Variants in KCNU1 observed in about 807,000 individuals in gnomAD.
KCNU1 encodes potassium calcium-activated channel subfamily U member 1.
In KCNU1, 93 loss-of-function variants were observed where a neutral mutation model predicts 126.8. That is an observed-to-expected ratio of 0.73 (90% CI 0.62 to 0.87). The LOEUF (loss-of-function observed/expected upper bound fraction) is 0.87. Ranked by LOEUF, KCNU1 falls within the 40% of genes least tolerant of loss-of-function variation. The pLI, the probability that KCNU1 is intolerant of heterozygous loss-of-function variation, is 0.00. For missense variants in KCNU1, 1,330 were observed against 1,367.1 expected (o/e 0.97, Z 0.43); for synonymous variants, 523 against 494.2 (o/e 1.06, Z -0.77).
chr8:36,818,047 CA>C, intron 10 of KCNU1, among the ~76,000 whole-genome samples: 1 of 152,232 alleles, frequency 6.6e-6, no homozygotes, highest in East Asian at 1.9e-4. Context: ...TAATCTTATG[CA>C]AAAGCCTGGT....
chr8:36,845,720 TG>T, intron 17 of KCNU1, 51 bp downstream of exon 17: 1 of 1,441,606 alleles, frequency 6.9e-7, no homozygotes, highest in Non-Finnish European at 9.8e-7. Context: ...TACAGCTTAA[TG>T]GGAGGCCCAC....
chr8:36,817,525 A>AAAAAAAAT (rs1231898699), intron 9 of KCNU1, 125 bp from the exon 10 acceptor site: 1 of 450,392 alleles, frequency 2.2e-6, no homozygotes, highest in African/African-American at 2.2e-5. Context: ...AAAAAAAAAA[A>AAAAAAAAT]TCTGGGTGAT....
intron 18 of KCNU1, among the ~76,000 whole-genome samples, chr8:36,857,313 C>T (rs1414124894): frequency 1.3e-5 from 2 of 152,168 alleles, no homozygotes; most frequent in Non-Finnish European, 1.5e-5. Flanking sequence ...CAGTCTCTAT[C>T]CTCTAGGCTA....
In KCNU1 at chr8:36,833,062, TTGTC is replaced by T. The variant is rs561934636; in HGVS notation, c.1107-487_1107-484del. On this transcript the variant is annotated intron_variant, in intron 10 of 26. Coordinates refer to ENST00000399881, the MANE Select transcript of KCNU1 (RefSeq NM_001031836.3). ...TTTTTGTAATGTGTTGAGGCTTTCA[TTGTC>T]TGTCAAGAAAAATACCGTTTTGATA... Among the ~76,000 whole-genome samples, 61 of 152,270 alleles carry T rather than the reference TTGTC, an allele frequency of 4.0e-4. No homozygotes were observed. The South Asian group carries it at 0.012, about 30-fold the overall frequency.
At chr8:36,807,531 T>G (rs1402709112) in intron 6 of KCNU1, 81 bp downstream of exon 6, 7 of 988,828 alleles carry the variant, frequency 7.1e-6, no homozygotes, top group Non-Finnish European at 1.1e-5. Context: ...CTAAACTCAA[T>G]GCATTTCTTA....
At chr8:36,933,230 T>A (rs1808755186) in intron 26 of KCNU1, among the ~76,000 whole-genome samples, 198 bp downstream of exon 26, 1 of 152,102 alleles carries the variant, frequency 6.6e-6, no homozygotes, top group African/African-American at 2.4e-5. Context: ...GTCCTATTAA[T>A]ATTGGCTATA....
chr8:36,912,161 C>T (rs546155543), intron 22 of KCNU1, among the ~76,000 whole-genome samples: 2 of 152,276 alleles, frequency 1.3e-5, no homozygotes, highest in African/African-American at 4.8e-5. Flanking sequence ...TTGCATGGCA[C>T]TTGAAGAGGT....
chr8:36,838,202 A>G (rs1249583784), intron 14 of KCNU1, among the ~76,000 whole-genome samples: 2 of 152,166 alleles, frequency 1.3e-5, no homozygotes, highest in African/African-American at 4.8e-5. Context: ...GTTGATAAGG[A>G]CACTGTCATT....
chr8:36,855,422 GA>G (rs574010727), intron 18 of KCNU1, among the ~76,000 whole-genome samples: 309 of 152,144 alleles, frequency 2.0e-3, no homozygotes, highest in African/African-American at 7.1e-3. Context: ...GTTATGCAGG[GA>G]ACCACCAGAC....
intron 10 of KCNU1, among the ~76,000 whole-genome samples, chr8:36,818,633 C>T (rs1211405445): frequency 6.6e-6 from 1 of 152,170 alleles, no homozygotes; most frequent in South Asian, 2.1e-4. Context: ...TCAAATGATT[C>T]ATCGGTTACC....
At chr8:36,810,149 G>A (rs1354014202) in intron 7 of KCNU1, among the ~76,000 whole-genome samples, 1 of 152,054 alleles carries the variant, frequency 6.6e-6, no homozygotes, top group Non-Finnish European at 1.5e-5. Context: ...CTACTTGGAA[G>A]GCTGAGGCAG....
At chr8:36,877,257 T>C (rs764707246) in intron 19 of KCNU1, among the ~76,000 whole-genome samples, 3 of 151,900 alleles carry the variant, frequency 2.0e-5, no homozygotes, top group Non-Finnish European at 2.9e-5. Context: ...GCCTCTTGCT[T>C]TCTCTATTTT....
At chr8:36,914,376 C>T (rs1303178201) in intron 22 of KCNU1, among the ~76,000 whole-genome samples, 1 of 152,166 alleles carries the variant, frequency 6.6e-6, no homozygotes, top group Non-Finnish European at 1.5e-5. Flanking sequence ...GTCAAAGATG[C>T]TGCTAAACGT....
intron 19 of KCNU1, among the ~76,000 whole-genome samples, chr8:36,899,118 T>C (rs1807314696): frequency 6.6e-6 from 1 of 152,074 alleles, no homozygotes. Context: ...GAAAAAGCGC[T>C]GCAGAAAAGC....
At chr8:36,885,484 G>A (rs930234422) in intron 19 of KCNU1, among the ~76,000 whole-genome samples, 1 of 152,136 alleles carries the variant, frequency 6.6e-6, no homozygotes, top group Non-Finnish European at 1.5e-5. Flanking sequence ...AAAGCCAGGA[G>A]AAGGAGGTTG....
At chr8:36,930,171 G>T (rs1808656921) in intron 24 of KCNU1, among the ~76,000 whole-genome samples, 1 of 152,032 alleles carries the variant, frequency 6.6e-6, no homozygotes, top group African/African-American at 2.4e-5. Flanking sequence ...ATAAATTTGA[G>T]AAAACCTAGT....
chr8:36,931,798 T>G (rs906287949), intron 25 of KCNU1, among the ~76,000 whole-genome samples: 2 of 152,076 alleles, frequency 1.3e-5, no homozygotes, highest in African/African-American at 2.4e-5. Context: ...CACTGGCCAG[T>G]GGAAAATGCT....
At chr8:36,840,724 G>T in intron 15 of KCNU1, 149 bp downstream of exon 15, 1 of 681,712 alleles carries the variant, frequency 1.5e-6, no homozygotes. Context: ...GAAGTTTACA[G>T]TTGGGATGGG....
chr8:36,815,372 C>T (rs1803870372), intron 8 of KCNU1, among the ~76,000 whole-genome samples: 1 of 152,060 alleles, frequency 6.6e-6, no homozygotes. Flanking sequence ...TTGCTGCTGT[C>T]CTTTGCTTTC....
Sources: gnomAD v4.1 joint callset for allele counts (sites outside exome capture counted in the v4.1 genomes callset) on GRCh38, gnomAD v4.1.1 for gene constraint, MANE v1.5 for transcripts, NCBI Gene and HGNC (gene_info 2026-07-23, HGNC 2026-07-21) for gene names.